SMURF1: variants seen among roughly 807,000 people sequenced by gnomAD.
SMURF1 encodes E3 ubiquitin-protein ligase SMURF1.
SMURF1 carries 44 observed loss-of-function variants against 98.0 expected under a neutral mutation model. The observed-to-expected ratio is 0.45, with a 90% CI of 0.35 to 0.58. The LOEUF (loss-of-function observed/expected upper bound fraction) is 0.58. SMURF1 is among the 20% of genes least tolerant of loss of function. SMURF1 has a pLI of 0.00. For missense variants in SMURF1, 687 were observed against 938.4 expected (o/e 0.73, Z 3.50); for synonymous variants, 396 against 374.9 (o/e 1.06, Z -0.65).
At chr7:99,140,224 T>C (rs1374688203) in intron 1 of SMURF1, among the ~76,000 whole-genome samples, 2 of 151,938 alleles carry the variant, frequency 1.3e-5, no homozygotes, top group African/African-American at 2.4e-5. Context: ...TAATGCCCTA[T>C]TCACCCCCAA....
chr7:99,030,894 C>G lies in SMURF1; in HGVS notation c.2097-211G>C, dbSNP rs182937969. 3 of 451,844 alleles carry G rather than the reference C, an allele frequency of 6.6e-6. No individual in the cohort carries two copies. The East Asian group carries it at 1.2e-4, about 18-fold the overall frequency. The allele number at this position is 451,844 out of a possible 1,614,324, so 28.0% of individuals were successfully genotyped here. On this transcript the variant is annotated intron_variant, in intron 17 of 17. Transcript: ENST00000361368. ...TTTTGCTTTTTGGTAGAGACAGGGT[C>G]TCGCTAGGTTGCCCAGGCTGCTCTC...
At chr7:99,120,812 A>G (rs1223195548) in intron 1 of SMURF1, 1 of 151,852 alleles carries the variant, frequency 6.6e-6, no homozygotes, top group Non-Finnish European at 1.5e-5. Context: ...AAGGGAGAAA[A>G]AAAAAAAAAC....
At chr7:99,104,348 A>C (rs12672417) in intron 1 of SMURF1, among the ~76,000 whole-genome samples, 9,195 of 152,298 alleles carry the variant, frequency 0.06, 406 homozygotes, top group East Asian at 0.21. Flanking sequence ...CCCAGCTATA[A>C]CTGCTATTAC....
chr7:99,085,447 G>A (rs1796660568), intron 1 of SMURF1, among the ~76,000 whole-genome samples: 1 of 151,818 alleles, frequency 6.6e-6, no homozygotes, highest in Admixed American at 6.6e-5. Context: ...TGTACAGCCT[G>A]TGGAACCATG....
At chr7:99,087,300 G>C (rs1796704261) in intron 1 of SMURF1, among the ~76,000 whole-genome samples, 1 of 152,076 alleles carries the variant, frequency 6.6e-6, no homozygotes, top group African/African-American at 2.4e-5. Flanking sequence ...TGGGAGGACT[G>C]CTTGAGCCCA....
Position 99,052,338 on chromosome 7 carries a change from C to T in SMURF1, c.588G>A (p.Arg196=). 1.2e-6 allele frequency: 2 copies of T among 1,612,638 alleles called. No individual in the cohort carries two copies. The highest frequency in any genetic ancestry group is 1.7e-6 in the Non-Finnish European group (2 of 1,179,388). ...TGAAAGGGNC[R]FVESPSQDQR... ...GATCTTGACTTGGGGACTCCACGAA[C>T]CTGCAATTCCCTCCTCCAGCAGCAG... Residue 196 remains arginine, a synonymous_variant, in exon 7 of 18, where the codon AGG becomes AGA. Transcript: ENST00000361368.
chr7:99,043,280 A>G (rs1317947345), intron 11 of SMURF1, among the ~76,000 whole-genome samples: 1 of 152,206 alleles, frequency 6.6e-6, no homozygotes, highest in Non-Finnish European at 1.5e-5. Flanking sequence ...TACTGGGGAG[A>G]TAAGTGTAGC....
At chr7:99,092,289 T>C (rs1183835836) in intron 1 of SMURF1, among the ~76,000 whole-genome samples, 4 of 152,230 alleles carry the variant, frequency 2.6e-5, no homozygotes, top group African/African-American at 9.6e-5. Context: ...ATACCCATTT[T>C]ATAAATATGG....
At chr7:99,065,295 C>T (rs1419552510) in intron 1 of SMURF1, among the ~76,000 whole-genome samples, 1 of 152,028 alleles carries the variant, frequency 6.6e-6, no homozygotes, top group African/African-American at 2.4e-5. Flanking sequence ...AGTATGTTGC[C>T]CAGGCGGGTC....
At position 99,060,704 on chromosome 7, in the gene SMURF1, A is replaced by C; in HGVS notation, c.98T>G (p.Leu33Arg). The change falls in exon 3 of 18, where the codon CTC becomes CGC. Residue 33 changes from leucine (L) to arginine (R), a missense_variant. Leu to Arg is a moderately radical substitution (Grantham distance 102). Coordinates refer to ENST00000361368, the MANE Select transcript of SMURF1 (RefSeq NM_181349.3). ...GACAATCTTTGCAAAAGGGTCAGGG[A>C]GCCCTAGAGGAGAGAGGAGACCCAC... ...KNLAKKDFFR[L>R]PDPFAKIVVD... is the part of the protein sequence containing the mutation. 6.2e-7 allele frequency: 1 copy of C among 1,613,038 alleles called. No homozygotes were observed. Among genetic ancestry groups the C allele is most frequent in the East Asian group, 2.2e-5 (1 of 44,870 alleles).
At chr7:99,063,871 G>C (rs1796126434) in intron 1 of SMURF1, among the ~76,000 whole-genome samples, 1 of 151,660 alleles carries the variant, frequency 6.6e-6, no homozygotes. Context: ...CGAACTCCTG[G>C]GATCAAGCAA....
chr7:99,100,774 A>G (rs895510257), intron 1 of SMURF1, among the ~76,000 whole-genome samples: 5 of 152,228 alleles, frequency 3.3e-5, no homozygotes, highest in Non-Finnish European at 7.3e-5. Context: ...CTTAAAACAG[A>G]AGACTAGAGA....
chr7:99,122,210 C>T (rs1000426192), intron 1 of SMURF1, among the ~76,000 whole-genome samples: 1 of 151,796 alleles, frequency 6.6e-6, no homozygotes, highest in African/African-American at 2.4e-5. Context: ...TGCCTGTGAT[C>T]CCAGTTACTC....
chr7:99,121,535 C>T (rs1341609105), intron 1 of SMURF1, among the ~76,000 whole-genome samples: 2 of 152,136 alleles, frequency 1.3e-5, no homozygotes, highest in Non-Finnish European at 2.9e-5. Context: ...TTCTTTAACA[C>T]TCGCATCCTC....
Position 99,143,795 on chromosome 7 carries a change from C to G in SMURF1, c.-15G>C. On this transcript the variant is annotated 5_prime_UTR_variant, in exon 1 of 18. Transcript: ENST00000361368. Reference sequence around the variant, plus strand: ...GGGTTCGACATCTCCCGCCAACGATCGGGCAGCCGCGGATCCAGCGCCACC... The same window carrying G: ...GGGTTCGACATCTCCCGCCAACGATGGGGCAGCCGCGGATCCAGCGCCACC... 1 of 1,525,934 alleles carries G rather than the reference C, an allele frequency of 6.6e-7. No individual in the cohort carries two copies. Among genetic ancestry groups the G allele is most frequent in the Non-Finnish European group, 8.8e-7 (1 of 1,136,226 alleles). The allele number at this position is 1,525,934 out of a possible 1,614,324, so 94.5% of individuals were successfully genotyped here. A position where few individuals can be genotyped will look rare whatever the true frequency, so the allele number is the denominator to read the frequency against.
At chr7:99,128,692 G>A (rs185706111) in intron 1 of SMURF1, among the ~76,000 whole-genome samples, 47 of 152,278 alleles carry the variant, frequency 3.1e-4, no homozygotes, top group Non-Finnish European at 5.0e-4. Context: ...AACTGAATGT[G>A]CTGGGTGTAT....
intron 1 of SMURF1, among the ~76,000 whole-genome samples, chr7:99,132,825 G>A (rs910407681): frequency 6.6e-6 from 1 of 152,194 alleles, no homozygotes; most frequent in Admixed American, 6.5e-5. Context: ...GAGGCTGCCA[G>A]AGAGGAATAT....
chr7:99,071,365 C>T (rs917965236), intron 1 of SMURF1, among the ~76,000 whole-genome samples: 5 of 152,038 alleles, frequency 3.3e-5, no homozygotes, highest in African/African-American at 9.7e-5. Context: ...CGGCCAAAAA[C>T]GGGACACGGA....
chr7:99,056,225 C>A (rs772170541), intron 5 of SMURF1, among the ~76,000 whole-genome samples: 2 of 152,030 alleles, frequency 1.3e-5, no homozygotes, highest in Non-Finnish European at 2.9e-5. Flanking sequence ...CAGGTCTACA[C>A]AGGACAATAC....
Sources: allele counts gnomAD v4.1 joint callset (sites outside exome capture counted in the v4.1 genomes callset), GRCh38; gene constraint gnomAD v4.1.1; transcripts MANE v1.5; gene names NCBI Gene and HGNC (gene_info 2026-07-23, HGNC 2026-07-21).